SRPK2: variants seen among roughly 807,000 people sequenced by gnomAD.
SRPK2 encodes the protein SFRS protein kinase 2.
In SRPK2, 21 loss-of-function variants were observed where a neutral mutation model predicts 90.8. That is an observed-to-expected ratio of 0.23 (90% CI 0.16 to 0.33). SRPK2 has a LOEUF of 0.33. Ranked by LOEUF, SRPK2 falls within the 10% of genes least tolerant of loss-of-function variation. The pLI, the probability that SRPK2 is intolerant of heterozygous loss-of-function variation, is 1.00. For missense variants in SRPK2, 620 were observed against 869.0 expected (o/e 0.71, Z 3.60); for synonymous variants, 288 against 311.1 (o/e 0.93, Z 0.78).
At chr7:105,131,837 A>G (rs1392743677) in intron 13 of SRPK2, among the ~76,000 whole-genome samples, 2 of 152,342 alleles carry the variant, frequency 1.3e-5, no homozygotes, top group African/African-American at 4.8e-5. Flanking sequence ...GATAAAAAGC[A>G]GTATGGAATA....
chr7:105,364,465 ATC>A (rs904145408), intron 2 of SRPK2, among the ~76,000 whole-genome samples: 1 of 147,122 alleles, frequency 6.8e-6, no homozygotes, highest in Non-Finnish European at 1.5e-5. Flanking sequence ...CGGTGCCATG[ATC>A]TTGGCTCACT....
intron 2 of SRPK2, among the ~76,000 whole-genome samples, chr7:105,209,129 C>T (rs1391647877): frequency 2.6e-5 from 4 of 152,348 alleles, no homozygotes; most frequent in East Asian, 1.9e-4. Context: ...AGCTCAGCTA[C>T]ATTCAGAGTG....
At chr7:105,270,011 T>G (rs1259515579) in intron 2 of SRPK2, among the ~76,000 whole-genome samples, 4 of 152,174 alleles carry the variant, frequency 2.6e-5, no homozygotes, top group African/African-American at 9.7e-5. Context: ...TTTAAAATGT[T>G]GACTATATAA....
chr7:105,235,668 A>C (rs1347084058), intron 2 of SRPK2, among the ~76,000 whole-genome samples: 1 of 152,214 alleles, frequency 6.6e-6, no homozygotes, highest in Non-Finnish European at 1.5e-5. Context: ...AAAAGGCATG[A>C]GAAACATTCA....
chr7:105,123,487 AT>A (rs1800698512), intron 15 of SRPK2, among the ~76,000 whole-genome samples: 4 of 152,224 alleles, frequency 2.6e-5, no homozygotes, highest in African/African-American at 7.2e-5. Flanking sequence ...GCTGTTTTAA[AT>A]TTTGTTATCA....
chr7:105,135,765 A>ATT (rs56208863), intron 11 of SRPK2, among the ~76,000 whole-genome samples: 139 of 141,662 alleles, frequency 9.8e-4, no homozygotes, highest in East Asian at 3.7e-3. Flanking sequence ...AATGCAGGGA[A>ATT]TTTTTTTTTT....
intron 2 of SRPK2, among the ~76,000 whole-genome samples, chr7:105,253,714 AG>A (rs1178423733): frequency 1.3e-5 from 2 of 152,228 alleles, no homozygotes; most frequent in African/African-American, 4.8e-5. Flanking sequence ...AAAAATGAAA[AG>A]GTCTTGACCA....
intron 2 of SRPK2, among the ~76,000 whole-genome samples, chr7:105,330,112 G>A (rs1302428695): frequency 6.6e-6 from 1 of 151,840 alleles, no homozygotes; most frequent in African/African-American, 2.4e-5. Flanking sequence ...GGAGGCCACG[G>A]GAGGATCACA....
chr7:105,394,778 A>G (rs1822276301), intron 1 of SRPK2, among the ~76,000 whole-genome samples: 1 of 152,216 alleles, frequency 6.6e-6, no homozygotes, highest in Non-Finnish European at 1.5e-5. Flanking sequence ...CCCTGCCTTC[A>G]TGGAGCTTAC....
At chr7:105,243,825 TA>T in intron 2 of SRPK2, among the ~76,000 whole-genome samples, 1 of 152,182 alleles carries the variant, frequency 6.6e-6, no homozygotes, top group Non-Finnish European at 1.5e-5. Context: ...GCAGATTACC[TA>T]AATTCACACG....
intron 14 of SRPK2, 136 bp from the exon 15 acceptor site, chr7:105,126,476 C>A: frequency 1.5e-6 from 1 of 679,090 alleles, no homozygotes; most frequent in Non-Finnish European, 2.5e-6. Flanking sequence ...CACATCCATG[C>A]AGAGGCTTGT....
At chr7:105,221,526 CGCCAAATGCTACTTT>C (rs1798092289) in intron 2 of SRPK2, among the ~76,000 whole-genome samples, 2 of 152,168 alleles carry the variant, frequency 1.3e-5, no homozygotes, top group Admixed American at 1.3e-4. Flanking sequence ...ATCACACCAA[CGCCAAATGCTACTTT>C]GGCCCCAACC....
chr7:105,271,792 T>A (rs950412220), intron 2 of SRPK2, among the ~76,000 whole-genome samples: 7 of 152,170 alleles, frequency 4.6e-5, no homozygotes, highest in African/African-American at 1.2e-4. Flanking sequence ...CCTCAATTAG[T>A]CAGTTGTTTT....
intron 4 of SRPK2, among the ~76,000 whole-genome samples, chr7:105,168,481 G>T (rs1207120851): frequency 3.3e-5 from 5 of 152,018 alleles, no homozygotes; most frequent in Admixed American, 6.5e-5. Flanking sequence ...TCAGATAAGG[G>T]ATATTCAACT....
chr7:105,316,753 G>T (rs1344246616), intron 2 of SRPK2, among the ~76,000 whole-genome samples: 1 of 152,170 alleles, frequency 6.6e-6, no homozygotes, highest in South Asian at 2.1e-4. Context: ...CTCACTCCAG[G>T]ATCAGTTACA....
chr7:105,240,062 G>C (rs182358071), intron 2 of SRPK2, among the ~76,000 whole-genome samples: 1 of 152,056 alleles, frequency 6.6e-6, no homozygotes, highest in Non-Finnish European at 1.5e-5. Context: ...AAATACCACC[G>C]AGTGACTTAT....
intron 2 of SRPK2, among the ~76,000 whole-genome samples, chr7:105,222,711 T>A (rs112861538): frequency 0.019 from 2,967 of 152,274 alleles, 101 homozygotes; most frequent in African/African-American, 0.066. Flanking sequence ...AACATTAGTT[T>A]TAAAACATAA....
chr7:105,179,848 A>T (rs1426601517), intron 3 of SRPK2, among the ~76,000 whole-genome samples: 2 of 131,036 alleles, frequency 1.5e-5, no homozygotes, highest in Non-Finnish European at 3.4e-5. Context: ...AAAAAAAAAA[A>T]GAATAAAATA....
chr7:105,387,510 C>CTT lies in SRPK2; in HGVS notation c.71+1136_71+1137dup, dbSNP rs77016884. Among the ~76,000 whole-genome samples, 102 of 137,096 alleles carry CTT rather than the reference C, an allele frequency of 7.4e-4. 1 individual carries two copies. Among genetic ancestry groups the CTT allele is most frequent in the African/African-American group, 1.2e-3 (45 of 37,640 alleles). 89.9% of individuals were successfully genotyped at this position (137,096 alleles called of 152,430 possible). The stretch of plus-strand genomic sequence containing the variant: ...TTTCCCCTTACTCTAATGGTTTTTT[C>CTT]TTTTTTTTTTTTTTTTAAGGTATTT... On this transcript the variant is annotated intron_variant, in intron 2 of 15. Transcript: ENST00000393651.
Sources: gnomAD v4.1 joint callset for allele counts (sites outside exome capture counted in the v4.1 genomes callset) on GRCh38, gnomAD v4.1.1 for gene constraint, MANE v1.5 for transcripts, NCBI Gene and HGNC (gene_info 2026-07-23, HGNC 2026-07-21) for gene names.